Variants in ADCY1 observed in about 807,000 individuals in gnomAD.
ADCY1 encodes adenylate cyclase type 1.
In ADCY1, 28 loss-of-function variants were observed where a neutral mutation model predicts 105.4. That is an observed-to-expected ratio of 0.27 (90% CI 0.20 to 0.36). ADCY1 has a LOEUF of 0.36. ADCY1 is among the 10% of genes least tolerant of loss of function. The pLI is 1.00. For missense variants in ADCY1, 977 were observed against 1,434.2 expected (o/e 0.68, Z 5.15); for synonymous variants, 655 against 623.8 (o/e 1.05, Z -0.75).
In ADCY1 at chr7:45,703,761, C is replaced by G. The variant is rs762565350; in HGVS notation, c.2718+15C>G. The G allele has an allele frequency of 1.9e-6, 3 of 1,558,366 alleles. No individual in the cohort carries two copies. The highest frequency in any genetic ancestry group is 2.6e-6 in the Non-Finnish European group (3 of 1,149,178). ...ACTTTGACGAGGTGAGGCTGTGCGT[C>G]GCCATCCTGACCCCGCCTGGTTGTG... On this transcript the variant is annotated intron_variant, in intron 16 of 19. Transcript: ENST00000297323. The surrounding 1 kb of genome is among the most constrained non-coding windows in gnomAD (Gnocchi z 5.9).
chr7:45,598,263 G>T (rs1437265222), intron 2 of ADCY1, among the ~76,000 whole-genome samples: 1 of 152,182 alleles, frequency 6.6e-6, no homozygotes, highest in Non-Finnish European at 1.5e-5. Context: ...TCTTCCAAGG[G>T]AACCACATGG....
At chr7:45,713,592 C>A in intron 19 of ADCY1, 101 bp from the exon 20 acceptor site, 1 of 678,032 alleles carries the variant, frequency 1.5e-6, no homozygotes, top group South Asian at 1.7e-5. Context: ...GTTGGGCAGT[C>A]AGGGTGGACA....
intron 4 of ADCY1, among the ~76,000 whole-genome samples, chr7:45,644,221 C>T (rs572035973): frequency 5.9e-5 from 9 of 152,282 alleles, no homozygotes; most frequent in Middle Eastern, 6.8e-3. Context: ...CTGGACTCTA[C>T]TGTTTTAGAG....
intron 1 of ADCY1, among the ~76,000 whole-genome samples, chr7:45,581,280 C>CCTA (rs777482171): frequency 2.0e-5 from 3 of 152,178 alleles, no homozygotes; most frequent in Non-Finnish European, 2.9e-5. Flanking sequence ...TGAAGTGGGA[C>CCTA]CTACCCCTTA....
At chr7:45,641,951 T>G (rs995559052) in intron 4 of ADCY1, among the ~76,000 whole-genome samples, 2 of 113,554 alleles carry the variant, frequency 1.8e-5, no homozygotes, top group Admixed American at 1.8e-4. Flanking sequence ...AAAAAATGTC[T>G]TTTCATCCTG....
chr7:45,649,959 C>A (rs1794765006), intron 5 of ADCY1, among the ~76,000 whole-genome samples: 1 of 152,062 alleles, frequency 6.6e-6, no homozygotes, highest in African/African-American at 2.4e-5. Context: ...GAGCCATTGC[C>A]CCAGAGAAAA....
chr7:45,651,448 A>G (rs1484133109), intron 5 of ADCY1, among the ~76,000 whole-genome samples: 1 of 152,166 alleles, frequency 6.6e-6, no homozygotes, highest in Middle Eastern at 3.2e-3. Flanking sequence ...AGGACACTTT[A>G]TATAATGTCT....
chr7:45,610,827 ATAGTGGAGGTGTGGAGG>A (rs1793542823), intron 3 of ADCY1, among the ~76,000 whole-genome samples: 4 of 18,972 alleles, frequency 2.1e-4, no homozygotes, highest in East Asian at 2.9e-3. Flanking sequence ...TATGGAGGTG[ATAGTGGAGGTGTGGAGG>A]CGATATTGGA....
intron 10 of ADCY1, 93 bp from the exon 11 acceptor site, chr7:45,679,616 G>T: frequency 1.6e-6 from 2 of 1,214,698 alleles, no homozygotes; most frequent in South Asian, 2.5e-5. Context: ...GAGCACAGGG[G>T]ATGTGGAGGG....
chr7:45,671,823 C>T (rs1784373446), intron 8 of ADCY1, among the ~76,000 whole-genome samples: 1 of 152,022 alleles, frequency 6.6e-6, no homozygotes, highest in Non-Finnish European at 1.5e-5. Context: ...ATGGTATATT[C>T]TAGAAACGAT....
chr7:45,669,748 A>C lies in ADCY1; in HGVS notation c.1605+7534A>C, dbSNP rs185212926. 2.6e-5 allele frequency among the ~76,000 whole-genome samples: 4 copies of C among 152,322 alleles called. 1 individual carries two copies. In the South Asian group the frequency reaches 8.3e-4, roughly 32 times the overall value. ...TATAACTTCTACCATATCTATCTGAATTTAATGAAGATAAAATTTCAACTT... is the reference window on the plus strand; with the variant it reads ...TATAACTTCTACCATATCTATCTGACTTTAATGAAGATAAAATTTCAACTT... On this transcript the variant is annotated intron_variant, in intron 8 of 19. Coordinates refer to ENST00000297323, the MANE Select transcript of ADCY1 (RefSeq NM_021116.4).
chr7:45,620,726 G>C (rs1036092796), intron 3 of ADCY1, among the ~76,000 whole-genome samples: 3 of 152,170 alleles, frequency 2.0e-5, no homozygotes, highest in Admixed American at 2.0e-4. Flanking sequence ...TCTTCAACAA[G>C]GTTATCAGCT....
intron 19 of ADCY1, among the ~76,000 whole-genome samples, chr7:45,711,044 A>G (rs569311292): frequency 6.3e-4 from 96 of 152,240 alleles, no homozygotes; most frequent in Middle Eastern, 6.8e-3. Flanking sequence ...TGTCCACCTC[A>G]TCTGAGGAAC....
intron 12 of ADCY1, among the ~76,000 whole-genome samples, chr7:45,685,612 G>T (rs1197340772): frequency 6.6e-6 from 1 of 150,782 alleles, no homozygotes; most frequent in Non-Finnish European, 1.5e-5. Context: ...AGAGCTGGGT[G>T]CATGATTAAC....
intron 3 of ADCY1, among the ~76,000 whole-genome samples, chr7:45,615,464 T>G (rs1220282248): frequency 6.6e-6 from 1 of 152,090 alleles, no homozygotes; most frequent in African/African-American, 2.4e-5. Flanking sequence ...CCAGGCATGG[T>G]GGCATGCACC....
At chr7:45,642,627 C>T (rs1257206918) in intron 4 of ADCY1, among the ~76,000 whole-genome samples, 1 of 152,080 alleles carries the variant, frequency 6.6e-6, no homozygotes, top group Non-Finnish European at 1.5e-5. Context: ...TTTAATAACC[C>T]TTCCCTGGGT....
chr7:45,653,462 C>G (rs752669234), intron 5 of ADCY1, among the ~76,000 whole-genome samples: 1 of 152,202 alleles, frequency 6.6e-6, no homozygotes, highest in Non-Finnish European at 1.5e-5. Context: ...ACTGCAGGGA[C>G]ACAGGCAGCA....
chr7:45,622,526 G>T, intron 3 of ADCY1, 106 bp from the exon 4 acceptor site: 1 of 782,952 alleles, frequency 1.3e-6, no homozygotes, highest in East Asian at 2.6e-5. Flanking sequence ...AATAAATGGG[G>T]TGATTGATTC....
At chr7:45,674,266 A>C (rs994220709) in intron 8 of ADCY1, among the ~76,000 whole-genome samples, 5 of 152,144 alleles carry the variant, frequency 3.3e-5, no homozygotes, top group Admixed American at 3.3e-4. Flanking sequence ...AGTATTTTAT[A>C]AATGTCAATT....
Sources: allele counts gnomAD v4.1 joint callset (sites outside exome capture counted in the v4.1 genomes callset), GRCh38; gene constraint gnomAD v4.1.1; non-coding constraint Gnocchi (gnomAD v3.1); transcripts MANE v1.5; gene names NCBI Gene and HGNC (gene_info 2026-07-23, HGNC 2026-07-21).